Variants in PARD3B observed in about 807,000 individuals in gnomAD.
The protein encoded by PARD3B is par-3 family cell polarity regulator beta, also known as partitioning defective 3 homolog B.
PARD3B carries 103 observed loss-of-function variants against 130.2 expected under a neutral mutation model. The ratio of observed to expected loss-of-function variants is 0.79; its 90% CI spans 0.67 to 0.93. The LOEUF (loss-of-function observed/expected upper bound fraction) is 0.93, where lower values mean the gene tolerates loss of function less well. Among genes scored for constraint, PARD3B ranks in the 40% least tolerant of loss-of-function variants. The pLI is 0.00. For synonymous variants in PARD3B, 583 were observed against 553.2 expected, an observed-to-expected ratio of 1.05 and a Z score of -0.76; for missense variants, 1,609 against 1,499.2, an observed-to-expected ratio of 1.07 and a Z score of -1.21.
chr2:205,136,626 C>G (rs142883735), intron 10 of PARD3B, among the ~76,000 whole-genome samples: 104 of 152,278 alleles, frequency 6.8e-4, no homozygotes, highest in African/African-American at 2.4e-3. Context: ...TATATTTCAT[C>G]TTTAGACCCT....
rs78647654 is a variant in PARD3B at position 205,002,048 on chromosome 2, A to G, written c.394+36725A>G. ...AAATATATTTACTCCATTCCCTAAT[A>G]TAAGTAGCTACGATTAACATTCATA... On this transcript the variant is annotated intron_variant, in intron 3 of 22. Transcript: ENST00000406610. Among the ~76,000 whole-genome samples the G allele has an allele frequency of 2.4e-3, 361 of 152,328 alleles. 2 individuals are homozygous for G. Among genetic ancestry groups the G allele is most frequent in the African/African-American group, 8.4e-3 (349 of 41,580 alleles).
Position 205,458,111 on chromosome 2 carries a change from G to C in PARD3B, c.3044+17439G>C, listed in dbSNP as rs933223909. Among the ~76,000 whole-genome samples, 14 of 152,012 alleles carry C rather than the reference G, an allele frequency of 9.2e-5. No individual in the cohort carries two copies. The highest frequency in any genetic ancestry group is 3.1e-4 in the African/African-American group (13 of 41,414). On this transcript the variant is annotated intron_variant, in intron 20 of 22. Transcript: ENST00000406610. This position sits in a 1 kb window ranked among gnomAD's most constrained non-coding sequence, Gnocchi z 4.8. Reference sequence around the variant, plus strand: ...GTTTTCAGCAGTTTTACTGTGATGTGTCTGTGAGCGTGTGTTGGCAGGGAG... The same window carrying C: ...GTTTTCAGCAGTTTTACTGTGATGTCTCTGTGAGCGTGTGTTGGCAGGGAG...
intron 21 of PARD3B, among the ~76,000 whole-genome samples, chr2:205,526,320 G>C (rs1314957429): frequency 6.6e-6 from 1 of 152,172 alleles, no homozygotes; most frequent in Non-Finnish European, 1.5e-5. Flanking sequence ...CTGCTCCCCT[G>C]ATATCTGTAG....
chr2:205,237,411 C>T (rs568480562), intron 15 of PARD3B, among the ~76,000 whole-genome samples: 1 of 152,228 alleles, frequency 6.6e-6, no homozygotes, highest in Non-Finnish European at 1.5e-5. Context: ...TCCTTTATAC[C>T]TTACACATAT....
chr2:204,731,654 GA>G lies in PARD3B; in HGVS notation c.222+45374del, dbSNP rs1315986157. 2.6e-5 allele frequency among the ~76,000 whole-genome samples: 4 copies of G among 152,244 alleles called. No homozygotes were observed. The East Asian group carries it at 7.7e-4, about 29-fold the overall frequency. ...AGACCTTATTAATAGAATCACACCT[GA>G]ATTGACTGAAGCCAGGTTACAATCA... On this transcript the variant is annotated intron_variant, in intron 2 of 22. Coordinates refer to ENST00000406610, the MANE Select transcript of PARD3B (RefSeq NM_001302769.2).
At chr2:205,533,346 T>C (rs940945376) in intron 21 of PARD3B, among the ~76,000 whole-genome samples, 5 of 152,154 alleles carry the variant, frequency 3.3e-5, no homozygotes, top group Admixed American at 6.5e-5. Flanking sequence ...AGAAGACAAA[T>C]AATGAAGTTC....
intron 11 of PARD3B, among the ~76,000 whole-genome samples, chr2:205,165,643 G>C (rs2034763988): frequency 6.6e-6 from 1 of 151,744 alleles, no homozygotes; most frequent in Non-Finnish European, 1.5e-5. Flanking sequence ...GCTTGAACCA[G>C]GGAGGCGGAG....
intron 3 of PARD3B, among the ~76,000 whole-genome samples, chr2:204,970,201 G>A (rs973264104): frequency 1.3e-5 from 2 of 152,098 alleles, no homozygotes; most frequent in Non-Finnish European, 2.9e-5. Context: ...GAGGCTTTTT[G>A]TGGCCATAGA....
In PARD3B at chr2:205,530,703, CATAATCCCCTACAAA is replaced by C. The variant is rs1289539505; in HGVS notation, c.3181-22620_3181-22606del. 1.3e-5 allele frequency among the ~76,000 whole-genome samples: 2 copies of C among 151,500 alleles called. No homozygotes were observed. The highest frequency in any genetic ancestry group is 1.3e-4 in the Admixed American group (2 of 15,244). On this transcript the variant is annotated intron_variant, in intron 21 of 22. Transcript: ENST00000406610. The surrounding 1 kb of genome is among the most constrained non-coding windows in gnomAD (Gnocchi z 4.7). ...AGAGCTAACTTGGATTCCTTTCTTT[CATAATCCCCTACAAA>C]GTGTTGCACATGCTTCCACTGAGGA...
chr2:205,219,895 C>T (rs1420182212), intron 15 of PARD3B, among the ~76,000 whole-genome samples: 2 of 152,068 alleles, frequency 1.3e-5, no homozygotes, highest in African/African-American at 4.8e-5. Flanking sequence ...TAATGTAAGC[C>T]CTGCACATGA....
intron 12 of PARD3B, among the ~76,000 whole-genome samples, chr2:205,175,226 A>G (rs2035401944): frequency 6.6e-6 from 1 of 152,138 alleles, no homozygotes; most frequent in Non-Finnish European, 1.5e-5. Context: ...TCTTGTTGTT[A>G]TTGTTAAATC....
chr2:205,255,940 C>A (rs2040064752), intron 16 of PARD3B, among the ~76,000 whole-genome samples: 1 of 152,082 alleles, frequency 6.6e-6, no homozygotes, highest in South Asian at 2.1e-4. Flanking sequence ...TTCTCTCTCT[C>A]CGGCTTAGAG....
chr2:204,957,171 T>A (rs1690326107), intron 2 of PARD3B, among the ~76,000 whole-genome samples: 1 of 152,198 alleles, frequency 6.6e-6, no homozygotes, highest in South Asian at 2.1e-4. Flanking sequence ...AAATTTTAAT[T>A]CAAGTCAGAG....
chr2:205,355,860 G>A lies in PARD3B; in HGVS notation c.2631-45153G>A, dbSNP rs112280941. On this transcript the variant is annotated intron_variant, in intron 18 of 22. Coordinates refer to ENST00000406610, the MANE Select transcript of PARD3B (RefSeq NM_001302769.2). ...GGTGGCAGGAAGGAGAAGTGCCAAGGGAAGGGGGAAGAGCCCCTTATAAAA... is the reference window on the plus strand; with the variant it reads ...GGTGGCAGGAAGGAGAAGTGCCAAGAGAAGGGGGAAGAGCCCCTTATAAAA... Among the ~76,000 whole-genome samples, 9 of 152,248 alleles carry A rather than the reference G, an allele frequency of 5.9e-5. 1 individual carries two copies. The highest frequency in any genetic ancestry group is 2.2e-4 in the African/African-American group (9 of 41,544).
At chr2:205,266,629 C>T (rs2040515459) in intron 16 of PARD3B, among the ~76,000 whole-genome samples, 1 of 152,136 alleles carries the variant, frequency 6.6e-6, no homozygotes, top group East Asian at 1.9e-4. Context: ...CTGTTGCATT[C>T]TTGTGTCTCT....
At chr2:204,622,479 G>A (rs907040259) in intron 1 of PARD3B, among the ~76,000 whole-genome samples, 5 of 152,202 alleles carry the variant, frequency 3.3e-5, no homozygotes, top group South Asian at 4.1e-4. Context: ...AAGAGCTCAC[G>A]TGTTTGAGCC....
At chr2:205,047,746 G>A in intron 4 of PARD3B, 56 bp downstream of exon 4, 3 of 1,292,104 alleles carry the variant, frequency 2.3e-6, no homozygotes, top group Non-Finnish European at 3.3e-6. Context: ...GTACCCATAG[G>A]TTAAGTGGGA....
intron 2 of PARD3B, among the ~76,000 whole-genome samples, chr2:204,852,458 TAAAAAGAGAGCTG>T (rs1279306305): frequency 1.2e-4 from 18 of 152,276 alleles, no homozygotes; most frequent in Admixed American, 4.6e-4. Context: ...GTTCATATTG[TAAAAAGAGAGCTG>T]TCCTATTTTT....
chr2:204,660,598 T>C (rs1435591620), intron 1 of PARD3B, among the ~76,000 whole-genome samples: 2 of 152,206 alleles, frequency 1.3e-5, no homozygotes, highest in African/African-American at 2.4e-5. Flanking sequence ...GGCCAACATC[T>C]AGTTAAGCAC....
Sources: allele counts gnomAD v4.1 joint callset (sites outside exome capture counted in the v4.1 genomes callset), GRCh38; gene constraint gnomAD v4.1.1; non-coding constraint Gnocchi (gnomAD v3.1); transcripts MANE v1.5; gene names NCBI Gene and HGNC (gene_info 2026-07-23, HGNC 2026-07-21).